AVL9: variants seen among roughly 807,000 people sequenced by gnomAD.
The protein encoded by AVL9 is AVL9 cell migration associated.
Under a neutral mutation model 79.2 loss-of-function variants are expected in AVL9, and 49 were observed. The ratio of observed to expected loss-of-function variants is 0.62; its 90% CI spans 0.49 to 0.79. The LOEUF (loss-of-function observed/expected upper bound fraction) is 0.79. Ranked by LOEUF, AVL9 falls within the 30% of genes least tolerant of loss-of-function variation. AVL9 has a pLI of 0.00. For missense variants in AVL9, 682 were observed against 776.8 expected (o/e 0.88, Z 1.45); for synonymous variants, 299 against 280.6 (o/e 1.07, Z -0.65).
chr7:32,558,465 TCTTA>T (rs1479268308), intron 8 of AVL9, 90 bp from the exon 9 acceptor site: 3 of 969,182 alleles, frequency 3.1e-6, no homozygotes, highest in Admixed American at 2.2e-5. Context: ...CAGCTGTTAT[TCTTA>T]TATAAGGAAT....
chr7:32,558,948 C>T lies in AVL9; in HGVS notation c.699C>T (p.Leu233=), dbSNP rs751404444. Reference sequence around the variant, plus strand: ...TTTTAGGCATGATTGAACATGGTCTCAGTGACTGTTCTCAGTATAGACCCC... The same window carrying T: ...TTTTAGGCATGATTGAACATGGTCTTAGTGACTGTTCTCAGTATAGACCCC... The part of the protein sequence containing the change: ...SLFPGMIEHG[L]SDCSQYRPRK... Residue 233 remains leucine (L), a synonymous_variant, in exon 10 of 16, where the codon CTC becomes CTT. Transcript: ENST00000318709. The T allele has an allele frequency of 3.1e-6, 5 of 1,591,852 alleles. No individual in the cohort carries two copies. Among genetic ancestry groups the T allele is most frequent in the Non-Finnish European group, 4.3e-6 (5 of 1,170,610 alleles).
chr7:32,502,063 T>TTA (rs536880244), intron 1 of AVL9, among the ~76,000 whole-genome samples: 1 of 149,936 alleles, frequency 6.7e-6, no homozygotes, highest in Non-Finnish European at 1.5e-5. Flanking sequence ...ACATTTATGA[T>TTA]AAAAAAAAAA....
chr7:32,575,832 A>G (rs906611829), intron 12 of AVL9, 123 bp from the exon 13 acceptor site: 5 of 656,156 alleles, frequency 7.6e-6, no homozygotes, highest in Non-Finnish European at 1.3e-5. Context: ...CTGGTAGGCT[A>G]TCTCCCCACA....
intron 1 of AVL9, chr7:32,537,871 G>A (rs533097016): frequency 6.6e-6 from 1 of 152,336 alleles, no homozygotes; most frequent in African/African-American, 2.4e-5. Context: ...GAGAATTATA[G>A]AAAGCTGCCA....
chr7:32,573,185 T>C lies in AVL9; in HGVS notation c.1351-14T>C. On this transcript the variant is annotated splice_polypyrimidine_tract_variant and intron_variant, in intron 11 of 15. Coordinates refer to ENST00000318709, the MANE Select transcript of AVL9 (RefSeq NM_015060.3). ...GAATGCCCAGACTCTGACTTGTACCTGGATACCCTCTAGGTAGAAGAAGCT... is the reference window on the plus strand; with the variant it reads ...GAATGCCCAGACTCTGACTTGTACCCGGATACCCTCTAGGTAGAAGAAGCT... The C allele has an allele frequency of 6.2e-7, 1 of 1,611,722 alleles. No individual in the cohort carries two copies. The highest frequency in any genetic ancestry group is 8.5e-7 in the Non-Finnish European group (1 of 1,178,284).
chr7:32,575,940 A>G lies in AVL9; in HGVS notation c.1571-15A>G. On this transcript the variant is annotated splice_polypyrimidine_tract_variant and intron_variant, in intron 12 of 15. Transcript: ENST00000318709. ...TACAGCCCAGCTCAACTTCTTTCAA[A>G]CATTTACTTGACAGACAATGAAAAG... 2 of 1,568,686 alleles carry G rather than the reference A, an allele frequency of 1.3e-6. No homozygotes were observed. The highest frequency in any genetic ancestry group is 1.8e-6 in the Non-Finnish European group (2 of 1,138,852).
intron 1 of AVL9, among the ~76,000 whole-genome samples, chr7:32,521,016 C>T (rs914568951): frequency 6.6e-6 from 1 of 152,082 alleles, no homozygotes; most frequent in Non-Finnish European, 1.5e-5. Context: ...CTTATTTTCT[C>T]TTCCCGCCGA....
chr7:32,572,173 A>G (rs200257724), intron 11 of AVL9, among the ~76,000 whole-genome samples: 10 of 89,432 alleles, frequency 1.1e-4, no homozygotes, highest in African/African-American at 4.1e-4. Context: ...AAAAAAAAAG[A>G]AAAAAAAAAA....
At chr7:32,518,994 G>T (rs1788024178) in intron 1 of AVL9, among the ~76,000 whole-genome samples, 1 of 152,078 alleles carries the variant, frequency 6.6e-6, no homozygotes. Context: ...ATCTATAGAA[G>T]AAAAATTTTG....
At chr7:32,567,473 A>C (rs1790634726) in intron 10 of AVL9, among the ~76,000 whole-genome samples, 1 of 152,166 alleles carries the variant, frequency 6.6e-6, no homozygotes. Flanking sequence ...GTTTCCACTT[A>C]GTTCAATATT....
At chr7:32,508,343 A>C (rs1311062256) in intron 1 of AVL9, among the ~76,000 whole-genome samples, 1 of 152,248 alleles carries the variant, frequency 6.6e-6, no homozygotes, top group East Asian at 1.9e-4. Context: ...TTGTCTAATA[A>C]AAATACTAAG....
rs770202009 is a variant in AVL9, at chr7:32,575,922, C to T, written c.1571-33C>T. On this transcript the variant is annotated intron_variant, in intron 12 of 15. Coordinates refer to ENST00000318709, the MANE Select transcript of AVL9 (RefSeq NM_015060.3). ...TTCACATCCCTGAATGGCTACAGCCCAGCTCAACTTCTTTCAAACATTTAC... is the reference window on the plus strand; with the variant it reads ...TTCACATCCCTGAATGGCTACAGCCTAGCTCAACTTCTTTCAAACATTTAC... 4 of 1,469,384 alleles carry T rather than the reference C, an allele frequency of 2.7e-6. No homozygotes were observed. In the East Asian group the frequency reaches 9.1e-5, roughly 33 times the overall value. The allele number at this position is 1,469,384 out of a possible 1,614,324, so 91.0% of individuals were successfully genotyped here.
Position 32,584,850 on chromosome 7 carries a change from A to G in AVL9, c.*943A>G, listed in dbSNP as rs1791704450. The G allele has an allele frequency of 7.3e-6, 1 of 136,712 alleles. No individual in the cohort carries two copies. The highest frequency in any genetic ancestry group is 2.3e-4 in the South Asian group (1 of 4,308). 8.5% of individuals were successfully genotyped at this position (136,712 alleles called of 1,614,324 possible). A position where few individuals can be genotyped will look rare whatever the true frequency, so the allele number is the denominator to read the frequency against. Reference sequence around the variant, plus strand: ...AGTGGTGCCATCTCGGCTCACTGCAACCTCCATCTCCCGGGTTCAAGCAAT... The same window carrying G: ...AGTGGTGCCATCTCGGCTCACTGCAGCCTCCATCTCCCGGGTTCAAGCAAT... On this transcript the variant is annotated 3_prime_UTR_variant, in exon 16 of 16. Transcript: ENST00000318709.
At chr7:32,540,078 C>T (rs926078466) in intron 1 of AVL9, among the ~76,000 whole-genome samples, 3 of 152,158 alleles carry the variant, frequency 2.0e-5, no homozygotes, top group African/African-American at 4.8e-5. Context: ...GCCATTATTT[C>T]GCCTACCACA....
intron 2 of AVL9, 50 bp from the exon 3 acceptor site, chr7:32,544,644 T>G: frequency 7.9e-7 from 1 of 1,267,662 alleles, no homozygotes; most frequent in South Asian, 1.2e-5. Context: ...TACTACTTAT[T>G]AATAAGGGTA....
At chr7:32,544,368 C>T (rs542211614) in intron 2 of AVL9, among the ~76,000 whole-genome samples, 8 of 152,248 alleles carry the variant, frequency 5.3e-5, no homozygotes, top group South Asian at 2.1e-4. Context: ...ATTCAAGGTT[C>T]GTGTGTTGCT....
intron 1 of AVL9, among the ~76,000 whole-genome samples, chr7:32,518,979 T>G (rs1788023071): frequency 6.6e-6 from 1 of 152,238 alleles, no homozygotes; most frequent in South Asian, 2.1e-4. Flanking sequence ...ATCTCAAGCT[T>G]AATAATCTAT....
chr7:32,583,172 GTT>G (rs1270503022), intron 15 of AVL9, among the ~76,000 whole-genome samples: 1 of 152,200 alleles, frequency 6.6e-6, no homozygotes, highest in Admixed American at 6.5e-5. Context: ...ACACAAAGCA[GTT>G]TGACTTTTTA....
At chr7:32,526,556 T>G (rs1200185559) in intron 1 of AVL9, among the ~76,000 whole-genome samples, 1 of 152,164 alleles carries the variant, frequency 6.6e-6, no homozygotes, top group Non-Finnish European at 1.5e-5. Context: ...CTTACCCTTT[T>G]GTCAGCATGT....
Sources: gnomAD v4.1 joint callset for allele counts (sites outside exome capture counted in the v4.1 genomes callset) on GRCh38, gnomAD v4.1.1 for gene constraint, MANE v1.5 for transcripts, NCBI Gene and HGNC (gene_info 2026-07-23, HGNC 2026-07-21) for gene names.